SHF: variants seen among roughly 807,000 people sequenced by gnomAD.
SHF encodes Src homology 2 domain containing F.
In SHF, 30 loss-of-function variants were observed where a neutral mutation model predicts 42.4. That is an observed-to-expected ratio of 0.71 (90% CI 0.53 to 0.96). The LOEUF is 0.96. Among genes scored for constraint, SHF ranks in the 40% least tolerant of loss-of-function variants. The probability of loss-of-function intolerance (pLI) is 0.00; values close to 1 mark genes in which losing one functional copy is unlikely to be tolerated. For synonymous variants in SHF, 264 were observed against 269.9 expected (o/e 0.98, Z 0.21); for missense variants, 598 against 634.0 (o/e 0.94, Z 0.61).
Position 45,187,727 on chromosome 15 carries a change from GTCGGGC to G in SHF, c.219_224del (p.Glu73_Pro74del). 9.7e-7 allele frequency: 1 copy of G among 1,032,746 alleles called. No homozygotes were observed. Among genetic ancestry groups the G allele is most frequent in the Non-Finnish European group, 1.2e-6 (1 of 809,980 alleles). 64.0% of individuals were successfully genotyped at this position (1,032,746 alleles called of 1,614,324 possible). On this transcript the variant is annotated inframe_deletion, in exon 1 of 7. Transcript: ENST00000690270. ...CCGGAGAGGGCGCAGGGGGGCGGTAGTCGGGCTCGGGGGGCGCCGGCTTGCTGCCCC... is the reference window on the plus strand; with the variant it reads ...CCGGAGAGGGCGCAGGGGGGCGGTAGTCGGGGGGCGCCGGCTTGCTGCCCC...
At position 45,167,902 on chromosome 15, in the gene SHF, G is replaced by C; in HGVS notation, c.*45C>G. 1 of 1,472,462 alleles carries C rather than the reference G, an allele frequency of 6.8e-7. No individual in the cohort carries two copies. Among genetic ancestry groups the C allele is most frequent in the African/African-American group, 1.4e-5 (1 of 71,468 alleles). The allele number at this position is 1,472,462 out of a possible 1,614,324, so 91.2% of individuals were successfully genotyped here. A position where few individuals can be genotyped will look rare whatever the true frequency, so the allele number is the denominator to read the frequency against. Reference sequence around the variant, plus strand: ...GCCACAGCCCTCAGCCAGGTGATGGGCACAGGGCTGGGTACAGGTCTATCA... The same window carrying C: ...GCCACAGCCCTCAGCCAGGTGATGGCCACAGGGCTGGGTACAGGTCTATCA... On this transcript the variant is annotated 3_prime_UTR_variant, in exon 7 of 7. Coordinates refer to ENST00000690270, the MANE Select transcript of SHF (RefSeq NM_001394037.1).
At chr15:45,191,940 A>AAAAAAAGT (rs931112726), upstream of SHF, among the ~76,000 whole-genome samples, 1 of 151,934 alleles carries the variant, frequency 6.6e-6, no homozygotes, top group African/African-American at 2.4e-5. Flanking sequence ...AAAAAAAAAA[A>AAAAAAAGT]AAAAAAGTAA....
intron 6 of SHF, chr15:45,170,155 ATATGG>A: frequency 3.4e-6 from 1 of 290,072 alleles, no homozygotes; most frequent in Non-Finnish European, 6.5e-6. Flanking sequence ...CCAAACAATA[ATATGG>A]CACTGGTGGA....
intron 2 of SHF, among the ~76,000 whole-genome samples, chr15:45,195,607 T>C (rs1898840807): frequency 6.6e-6 from 1 of 152,130 alleles, no homozygotes; most frequent in Non-Finnish European, 1.5e-5. Context: ...GAGATACTGC[T>C]CCTTTTAAGA....
chr15:45,199,286 C>T, intron 1 of SHF: 1 of 558,340 alleles, frequency 1.8e-6, no homozygotes, highest in South Asian at 3.0e-5. Context: ...GGCTGTGTCA[C>T]GGGGCCGCAG....
intron 2 of SHF, among the ~76,000 whole-genome samples, chr15:45,176,395 C>T (rs1897809866): frequency 6.6e-6 from 1 of 150,644 alleles, no homozygotes; most frequent in South Asian, 2.1e-4. Context: ...TGTACCACTT[C>T]AGGTCACACA....
At chr15:45,175,459 G>A (rs745585371) in intron 2 of SHF, 34 bp from the exon 3 acceptor site, 1 of 1,550,718 alleles carries the variant, frequency 6.4e-7, no homozygotes, top group South Asian at 1.2e-5. Context: ...AAAGGTGAGG[G>A]TTCAGCCTTG....
upstream of SHF, among the ~76,000 whole-genome samples, chr15:45,188,394 A>G (rs1172809994): frequency 1.3e-5 from 2 of 152,130 alleles, no homozygotes; most frequent in Non-Finnish European, 2.9e-5. Context: ...ACTATAATCT[A>G]GGAGGAAAAT....
chr15:45,199,808 G>C (rs1453357620), intron 1 of SHF: 1 of 151,928 alleles, frequency 6.6e-6, no homozygotes, highest in Admixed American at 6.5e-5. Flanking sequence ...AAAAAAACTA[G>C]ATGGGCCTGG....
chr15:45,193,058 G>A (rs1898754349), intron 2 of SHF, among the ~76,000 whole-genome samples: 1 of 152,220 alleles, frequency 6.6e-6, no homozygotes, highest in Non-Finnish European at 1.5e-5. Context: ...ATGATATTCT[G>A]AGAACTTTTA....
chr15:45,187,412 C>T (rs964761801), intron 1 of SHF, 42 bp downstream of exon 1: 3 of 1,231,488 alleles, frequency 2.4e-6, no homozygotes, highest in African/African-American at 3.1e-5. Flanking sequence ...AGACCCCTGA[C>T]CGCCTTCCCT....
In SHF at chr15:45,187,728, T is replaced by G; in HGVS notation, c.224A>C (p.Asp75Ala). 2 of 997,102 alleles carry G rather than the reference T, an allele frequency of 2.0e-6. No homozygotes were observed. Among genetic ancestry groups the G allele is most frequent in the Non-Finnish European group, 1.3e-6 (1 of 779,502 alleles). The allele number at this position is 997,102 out of a possible 1,614,324, so 61.8% of individuals were successfully genotyped here. A position where few individuals can be genotyped will look rare whatever the true frequency, so the allele number is the denominator to read the frequency against. The change falls in exon 1 of 7, where the codon GAC becomes GCC. Residue 75 changes from aspartate (D) to alanine (A), a missense_variant. Coordinates refer to ENST00000690270, the MANE Select transcript of SHF (RefSeq NM_001394037.1). ...GGSKPAPPEP[D>A]YRPPAPSPAA... is the part of the protein sequence containing the mutation. ...CGGAGAGGGCGCAGGGGGGCGGTAG[T>G]CGGGCTCGGGGGGCGCCGGCTTGCT...
rs138420917 is a variant in SHF at position 45,173,621 on chromosome 15, C to T, written c.943G>A (p.Gly315Ser). Residue 315 changes from glycine (G) to serine (S), a missense_variant, in exon 4 of 7, where the codon GGT becomes AGT. By Grantham distance (56) the Gly-to-Ser change is moderately conservative. Transcript: ENST00000690270. ...SLPDGDRDIS[G>S]PASPLPEPSL... is the part of the protein sequence containing the mutation. ...GGCTCAGGGAGGGGCGAGGCTGGAC[C>T]GGAGATGTCCCTGTCCCCATCAGGC... The T allele has an allele frequency of 2.5e-5, 38 of 1,549,634 alleles. 1 individual carries two copies. In the African/African-American group the frequency reaches 3.4e-4, roughly 14 times the overall value.
chr15:45,182,925 C>T (rs1485477676), intron 1 of SHF, among the ~76,000 whole-genome samples: 1 of 152,194 alleles, frequency 6.6e-6, no homozygotes, highest in African/African-American at 2.4e-5. Context: ...ATTACAAGAA[C>T]AATGCCATGT....
intron 1 of SHF, among the ~76,000 whole-genome samples, chr15:45,178,829 G>A (rs1440058906): frequency 4.6e-5 from 7 of 152,188 alleles, no homozygotes; most frequent in South Asian, 2.1e-4. Context: ...CACCGCGCCC[G>A]GCCCCAAGTG....
At chr15:45,200,476 G>A (rs780397846) in intron 1 of SHF, 6 of 341,618 alleles carry the variant, frequency 1.8e-5, no homozygotes, top group Admixed American at 3.8e-5. Context: ...ACCACTATAC[G>A]ATCACGGCGA....
chr15:45,169,856 G>A lies in SHF; in HGVS notation c.1281-1723C>T, dbSNP rs113582043. 4.2e-3 allele frequency among the ~76,000 whole-genome samples: 641 copies of A among 152,356 alleles called. 2 individuals are homozygous for A. The highest frequency in any genetic ancestry group is 0.015 in the African/African-American group (613 of 41,582). On this transcript the variant is annotated intron_variant, in intron 6 of 6. Coordinates refer to ENST00000690270, the MANE Select transcript of SHF (RefSeq NM_001394037.1). Reference sequence around the variant, plus strand: ...CTTGCCAGACCCTCAGGGTACTGGGGTTAGGACCAGCTGGGCTGCAGGACC... The same window carrying A: ...CTTGCCAGACCCTCAGGGTACTGGGATTAGGACCAGCTGGGCTGCAGGACC...
chr15:45,185,621 C>G (rs770588164), intron 1 of SHF, among the ~76,000 whole-genome samples: 2 of 152,228 alleles, frequency 1.3e-5, no homozygotes, highest in Non-Finnish European at 2.9e-5. Flanking sequence ...GTCCCTGTAG[C>G]TGACAAAGGA....
chr15:45,172,416 C>T (rs1897555368), intron 4 of SHF, 98 bp from the exon 5 acceptor site: 1 of 1,299,086 alleles, frequency 7.7e-7, no homozygotes, highest in African/African-American at 1.5e-5. Flanking sequence ...CTTCCAGCCC[C>T]AGAAAGGATC....
Sources: allele counts gnomAD v4.1 joint callset (sites outside exome capture counted in the v4.1 genomes callset), GRCh38; gene constraint gnomAD v4.1.1; transcripts MANE v1.5; gene names NCBI Gene and HGNC (gene_info 2026-07-23, HGNC 2026-07-21).